The following KATNAL2 variants were observed in gnomAD, a reference collection of about 807,000 sequenced individuals.
The protein encoded by KATNAL2 is katanin p60 ATPase-containing subunit A-like 2.
A neutral mutation model predicts 76.3 loss-of-function variants in KATNAL2; 52 were observed. The ratio of observed to expected loss-of-function variants is 0.68; its 90% confidence interval spans 0.55 to 0.86. KATNAL2 has a LOEUF of 0.86. Ranked by LOEUF, KATNAL2 falls within the 40% of genes least tolerant of loss-of-function variation. The probability of loss-of-function intolerance (pLI) is 0.00; values close to 1 mark genes in which losing one functional copy is unlikely to be tolerated. For synonymous variants in KATNAL2, 243 were observed against 244.2 expected, an observed-to-expected ratio of 1.00 and a Z score of 0.05; for missense variants, 660 against 668.9, an observed-to-expected ratio of 0.99 and a Z score of 0.15.
Position 47,101,202 on chromosome 18 carries a change from T to TCA in KATNAL2, c.*197_*198insCA, listed in dbSNP as rs2063433746. The TCA allele has an allele frequency of 5.1e-6, 3 of 586,052 alleles. No homozygotes were observed. In the East Asian group the frequency reaches 8.9e-5, roughly 17 times the overall value. 36.3% of individuals were successfully genotyped at this position (586,052 alleles called of 1,614,324 possible). ...ACCATTATCGATGTCAGCAAAATAT[T>TCA]GAGAGTTTCAGTTACATACATATAT... On this transcript the variant is annotated 3_prime_UTR_variant, in exon 18 of 18. Transcript: ENST00000683218.
chr18:46,953,744 G>A (rs2059637865), intron 3 of KATNAL2, among the ~76,000 whole-genome samples: 1 of 141,672 alleles, frequency 7.1e-6, no homozygotes, highest in African/African-American at 2.7e-5. Context: ...GCGACACATG[G>A]AGACCCCGTC....
intron 1 of KATNAL2, among the ~76,000 whole-genome samples, chr18:46,935,472 C>T (rs555471607): frequency 2.6e-4 from 40 of 152,202 alleles, no homozygotes; most frequent in Non-Finnish European, 4.4e-4. Flanking sequence ...CTGGAGCCTT[C>T]GAAGGCTAAA....
In KATNAL2 at chr18:46,917,631, C is replaced by CCTGCCCCGGCGTG; in HGVS notation, c.-796_-784dup. 6 of 863,898 alleles carry CCTGCCCCGGCGTG rather than the reference C, an allele frequency of 6.9e-6. No individual in the cohort carries two copies. Among genetic ancestry groups the CCTGCCCCGGCGTG allele is most frequent in the Non-Finnish European group, 8.4e-6 (6 of 714,994 alleles). 53.5% of individuals were successfully genotyped at this position (863,898 alleles called of 1,614,324 possible). ...CGCGCGGCGACAGCGCCCGCCCGCG[C>CCTGCCCCGGCGTG]CTGCCCCGGCGTGCTGCCCCGCGGC... On this transcript the variant is annotated 5_prime_UTR_variant, in exon 1 of 18. Coordinates refer to ENST00000683218, the MANE Select transcript of KATNAL2 (RefSeq NM_001387690.1).
At position 46,931,103 on chromosome 18, in the gene KATNAL2, A is replaced by AAATAATAATAAT. The variant is rs36168863; in HGVS notation, c.-510+13204_-510+13215dup. ...CAATAGAGTGAGACTCCGTCTCAGG[A>AAATAATAATAAT]AATAATAATAATAATAATAATAATA... On this transcript the variant is annotated intron_variant, in intron 1 of 17. Transcript: ENST00000683218. Among the ~76,000 whole-genome samples, 371 of 105,536 alleles carry AAATAATAATAAT rather than the reference A, an allele frequency of 3.5e-3. 2 individuals are homozygous for AAATAATAATAAT. Among genetic ancestry groups the AAATAATAATAAT allele is most frequent in the East Asian group, 9.9e-3 (40 of 4,026 alleles). 69.2% of individuals were successfully genotyped at this position (105,536 alleles called of 152,430 possible).
chr18:46,952,348 T>G (rs72919229), intron 3 of KATNAL2, among the ~76,000 whole-genome samples: 1,681 of 150,260 alleles, frequency 0.011, 18 homozygotes, highest in Non-Finnish European at 0.017. Context: ...CCTGCTAAAG[T>G]GCTGGGATTA....
At chr18:47,082,074 A>G (rs2062551362) in intron 15 of KATNAL2, among the ~76,000 whole-genome samples, 1 of 152,220 alleles carries the variant, frequency 6.6e-6, no homozygotes, top group African/African-American at 2.4e-5. Flanking sequence ...CAAATACTGC[A>G]TATGTGTGTA....
chr18:47,098,201 G>T lies in KATNAL2; in HGVS notation c.1212-1042G>T, dbSNP rs185212432. On this transcript the variant is annotated intron_variant, in intron 15 of 17. Transcript: ENST00000683218. ...GAAAGCCATTGCACTCCAGCCTGGC[G>T]ACAGAGCAAGACTCCGTCTCAAAAA... 4.5e-5 allele frequency: 16 copies of T among 356,510 alleles called. No individual in the cohort carries two copies. The East Asian group carries it at 6.9e-4, about 15-fold the overall frequency. 22.1% of individuals were successfully genotyped at this position (356,510 alleles called of 1,614,324 possible). A position where few individuals can be genotyped will look rare whatever the true frequency, so the allele number is the denominator to read the frequency against.
chr18:47,046,049 T>A (rs891317174), intron 3 of KATNAL2, among the ~76,000 whole-genome samples: 23 of 152,254 alleles, frequency 1.5e-4, no homozygotes, highest in Non-Finnish European at 3.4e-4. Context: ...ACTACAGATA[T>A]GGTAGCAGGT....
chr18:47,074,630 G>A (rs753678234), intron 13 of KATNAL2, among the ~76,000 whole-genome samples: 67 of 152,044 alleles, frequency 4.4e-4, no homozygotes, highest in Non-Finnish European at 9.1e-4. Flanking sequence ...TTCTTTTGCC[G>A]GTTGCTTTCC....
intron 15 of KATNAL2, among the ~76,000 whole-genome samples, chr18:47,085,732 T>C (rs1353050829): frequency 3.3e-5 from 5 of 152,138 alleles, no homozygotes; most frequent in African/African-American, 1.2e-4. Flanking sequence ...AATGACTCCA[T>C]TTCCCATGTG....
At chr18:47,063,139 T>C in intron 9 of KATNAL2, 69 bp downstream of exon 9, 2 of 1,501,698 alleles carry the variant, frequency 1.3e-6, no homozygotes, top group Non-Finnish European at 1.9e-6. Flanking sequence ...GAAATATAAT[T>C]TTGAGTACAG....
intron 15 of KATNAL2, among the ~76,000 whole-genome samples, chr18:47,079,069 ATAAC>A (rs996511823): frequency 1.2e-4 from 19 of 152,226 alleles, no homozygotes; most frequent in East Asian, 1.2e-3. Context: ...CCCCGTTTTA[ATAAC>A]TAACACCATC....
At chr18:47,043,330 G>A (rs72921345) in intron 3 of KATNAL2, among the ~76,000 whole-genome samples, 6,266 of 151,520 alleles carry the variant, frequency 0.041, 177 homozygotes, top group Non-Finnish European at 0.065. Context: ...ACCTTTTCAA[G>A]CTATCAAGCT....
intron 10 of KATNAL2, among the ~76,000 whole-genome samples, chr18:47,064,522 T>A (rs921988017): frequency 6.6e-6 from 1 of 152,048 alleles, no homozygotes; most frequent in Non-Finnish European, 1.5e-5. Context: ...GATGGGATCA[T>A]CCCATGTGCT....
intron 6 of KATNAL2, among the ~76,000 whole-genome samples, chr18:47,058,005 T>C (rs1394230934): frequency 1.3e-5 from 2 of 151,816 alleles, no homozygotes; most frequent in East Asian, 3.9e-4. Flanking sequence ...AGAGGGTGAG[T>C]TGGGGGGCTC....
At chr18:47,038,895 A>T (rs1015266857) in intron 3 of KATNAL2, among the ~76,000 whole-genome samples, 2 of 152,200 alleles carry the variant, frequency 1.3e-5, no homozygotes, top group African/African-American at 4.8e-5. Flanking sequence ...TGAACACAGA[A>T]ATGCCTGTAT....
intron 1 of KATNAL2, among the ~76,000 whole-genome samples, chr18:46,942,562 T>C (rs1472521202): frequency 2.6e-5 from 4 of 152,120 alleles, no homozygotes; most frequent in Non-Finnish European, 5.9e-5. Flanking sequence ...TGCAGTGAGC[T>C]GAGATTGCAC....
At chr18:46,923,907 C>T (rs923293812) in intron 1 of KATNAL2, among the ~76,000 whole-genome samples, 1 of 152,140 alleles carries the variant, frequency 6.6e-6, no homozygotes, top group Non-Finnish European at 1.5e-5. Flanking sequence ...CCTTTGCCCA[C>T]TTTTTGATAG....
intron 3 of KATNAL2, chr18:47,032,819 G>C (rs1173913708): frequency 2.8e-6 from 3 of 1,059,974 alleles, no homozygotes; most frequent in Non-Finnish European, 4.1e-6. Flanking sequence ...CAAGCTGGGA[G>C]GTAGTGGCTG....
Sources: gnomAD v4.1 joint callset for allele counts (sites outside exome capture counted in the v4.1 genomes callset) on GRCh38, gnomAD v4.1.1 for gene constraint, MANE v1.5 for transcripts, NCBI Gene and HGNC (gene_info 2026-07-23, HGNC 2026-07-21) for gene names.